The following TNNT2 variants were observed in gnomAD, a reference collection of about 807,000 sequenced individuals.
The protein encoded by TNNT2 is troponin T2, cardiac type, also known as troponin T, cardiac muscle.
In TNNT2, 34 loss-of-function variants were observed where a neutral mutation model predicts 62.4. The observed-to-expected ratio is 0.54, with a 90% CI of 0.41 to 0.72. The LOEUF is 0.72. TNNT2 is among the 30% of genes least tolerant of loss of function. The probability of loss-of-function intolerance (pLI) is 0.00; values close to 1 mark genes in which losing one functional copy is unlikely to be tolerated. For synonymous variants in TNNT2, 123 were observed against 127.2 expected, an observed-to-expected ratio of 0.97 and a Z score of 0.22; for missense variants, 275 against 381.9, an observed-to-expected ratio of 0.72 and a Z score of 2.33.
Position 201,368,193 on chromosome 1 carries a change from T to G in TNNT2, c.132A>C (p.Ala44=), listed in dbSNP as rs1158228294. The change falls in exon 6 of 17, where the codon GCA becomes GCC. Residue 44 remains alanine (A), a synonymous_variant. Coordinates refer to ENST00000656932, the MANE Select transcript of TNNT2 (RefSeq NM_001276345.2). ...QEEAAEEDAE[A]EAETEETRAE... is the part of the protein sequence containing the mutation. Reference sequence around the variant, plus strand: ...CCCTGGTCTCCTCGGTCTCAGCCTCTGCTTCAGCATCCTCTTCCGCTGCCT... The same window carrying G: ...CCCTGGTCTCCTCGGTCTCAGCCTCGGCTTCAGCATCCTCTTCCGCTGCCT... 6.2e-7 allele frequency: 1 copy of G among 1,614,004 alleles called. No homozygotes were observed. Among genetic ancestry groups the G allele is most frequent in the Admixed American group, 1.7e-5 (1 of 60,000 alleles).
At chr1:201,377,168 G>A (rs1375445676) in intron 1 of TNNT2, among the ~76,000 whole-genome samples, 1 of 152,216 alleles carries the variant, frequency 6.6e-6, no homozygotes, top group Non-Finnish European at 1.5e-5. Context: ...TGCTCCCTGG[G>A]ACTCAAGAAG....
chr1:201,374,652 C>T (rs2102325024), intron 1 of TNNT2: 1 of 152,368 alleles, frequency 6.6e-6, no homozygotes, highest in South Asian at 2.1e-4. Context: ...CCCCACATCT[C>T]AGCTCTCTTT....
intron 10 of TNNT2, 94 bp from the exon 11 acceptor site, chr1:201,364,469 G>C: frequency 1.5e-6 from 2 of 1,297,496 alleles, no homozygotes; most frequent in Non-Finnish European, 2.2e-6. Flanking sequence ...GGGAATTCCT[G>C]GGGGAGGGTT....
At chr1:201,365,365 T>C (rs1659469831) in intron 9 of TNNT2, 58 bp from the exon 10 acceptor site, 1 of 1,482,580 alleles carries the variant, frequency 6.7e-7, no homozygotes, top group African/African-American at 1.4e-5. Flanking sequence ...AGAGGAGAGA[T>C]GGGTGGGCTA....
chr1:201,361,258 G>T (rs777121337), intron 15 of TNNT2, 21 bp downstream of exon 15: 1 of 1,610,330 alleles, frequency 6.2e-7, no homozygotes, highest in Non-Finnish European at 8.5e-7. Context: ...GATGCTGGGC[G>T]GGGACAGCAT....
rs3020556 is a variant in TNNT2 at position 201,373,987 on chromosome 1, C to A, written c.-14-719G>T. On this transcript the variant is annotated intron_variant, in intron 1 of 16. Coordinates refer to ENST00000656932, the MANE Select transcript of TNNT2 (RefSeq NM_001276345.2). ...TAAATAAATAAATCAAAGCACACAG[C>A]GGGGATCCTTGTGGTTTGGGATCTT... is the stretch of plus-strand genomic sequence containing the variant. The A allele has an allele frequency of 1.7e-4, 26 of 154,612 alleles. No homozygotes were observed. The South Asian group carries it at 4.3e-3, about 25-fold the overall frequency. The allele number at this position is 154,612 out of a possible 1,614,324, so 9.6% of individuals were successfully genotyped here. A position where few individuals can be genotyped will look rare whatever the true frequency, so the allele number is the denominator to read the frequency against.
At position 201,361,330 on chromosome 1, in the gene TNNT2, C is replaced by A; in HGVS notation, c.759G>T (p.Leu253Phe). Residue 253 changes from leucine to phenylalanine, a missense_variant, in exon 15 of 17, where the codon TTG becomes TTT. Physicochemically the swap from Leu to Phe is conservative, Grantham distance 22. Transcript: ENST00000656932. The stretch of plus-strand genomic sequence containing the variant: ...CCTGCAGGTCGAACTTCTCTGCCTC[C>A]AAGTTATAGATGCTCTGCCACAGCT... ...AKELWQSIYNLEAEKFDLQEK... is the reference protein window; with the variant it reads ...AKELWQSIYNFEAEKFDLQEK... 1 of 1,614,192 alleles carries A rather than the reference C, an allele frequency of 6.2e-7. No individual in the cohort carries two copies.
chr1:201,367,947 C>A, intron 6 of TNNT2, 141 bp from the exon 7 acceptor site: 1 of 1,096,522 alleles, frequency 9.1e-7, no homozygotes, highest in Non-Finnish European at 1.4e-6. Context: ...AGCTGTCTCT[C>A]ACACACACAT....
chr1:201,368,291 G>T, intron 5 of TNNT2, 64 bp from the exon 6 acceptor site: 1 of 1,569,894 alleles, frequency 6.4e-7, no homozygotes, highest in South Asian at 1.1e-5. Context: ...GCAGAACCCA[G>T]AGCAGAGAAT....
In TNNT2 at chr1:201,364,357, G is replaced by T. The variant is rs45525839; in HGVS notation, c.430C>A (p.Arg144=). Residue 144 remains arginine, a synonymous_variant, in exon 11 of 17, where the codon CGG becomes AGG. Coordinates refer to ENST00000656932, the MANE Select transcript of TNNT2 (RefSeq NM_001276345.2). ...TTCCGGATGCGCTGCTGCTCGGCCC[G>T]CTCTGCCCGACGTCTCTCCTAAGGA... The part of the protein sequence containing the change: ...KDRIERRRAE[R]AEQQRIRNER... The T allele has an allele frequency of 4.4e-5, 71 of 1,612,824 alleles. No homozygotes were observed. Among genetic ancestry groups the T allele is most frequent in the Non-Finnish European group, 5.8e-5 (68 of 1,179,978 alleles).
chr1:201,362,536 C>G (rs2365652), intron 12 of TNNT2, 142 bp from the exon 13 acceptor site: 19 of 1,106,880 alleles, frequency 1.7e-5, no homozygotes, highest in Non-Finnish European at 2.4e-5. Flanking sequence ...GCCGGGTTTA[C>G]TAGGACGTGG....
chr1:201,366,617 G>A (rs145622947), intron 8 of TNNT2: 22,880 of 1,446,854 alleles, frequency 0.016, 256 homozygotes, highest in Non-Finnish European at 0.018. Flanking sequence ...CCCTGCTAGG[G>A]TGCACGATTG....
intron 15 of TNNT2, among the ~76,000 whole-genome samples, chr1:201,360,050 C>A (rs970715153): frequency 6.6e-6 from 1 of 152,212 alleles, no homozygotes; most frequent in Non-Finnish European, 1.5e-5. Context: ...ATCCCGGAAG[C>A]TGTGCCCTTT....
chr1:201,375,126 AGGCACTCATCTGTG>A (rs1262422300), intron 1 of TNNT2: 1 of 152,340 alleles, frequency 6.6e-6, no homozygotes, highest in African/African-American at 2.4e-5. Flanking sequence ...GACCAATCCC[AGGCACTCATCTGTG>A]GACATCCAGC....
Position 201,365,656 on chromosome 1 carries a change from T to C in TNNT2, c.248A>G (p.Asn83Ser), listed in dbSNP as rs397516450. The C allele has an allele frequency of 9.9e-6, 16 of 1,613,876 alleles. No homozygotes were observed. The highest frequency in any genetic ancestry group is 2.2e-5 in the East Asian group (1 of 44,890). The change falls in exon 9 of 17, where the codon AAC becomes AGC. Residue 83 changes from asparagine (N) to serine (S), a missense_variant. By Grantham distance (46) the Asn-to-Ser change is conservative. Transcript: ENST00000656932. ...ATCGGGGATCTTGGGAGGCACCAAG[T>C]TGGGCATGAACGACCTGTTGGAGAG... ...SKPKPRSFMP[N>S]LVPPKIPDGE...
chr1:201,362,122 G>T, intron 13 of TNNT2, 100 bp from the exon 14 acceptor site: 1 of 1,360,194 alleles, frequency 7.4e-7, no homozygotes, highest in Non-Finnish European at 1.1e-6. Context: ...CCTGCAGGAG[G>T]GCCAGGTTCT....
At chr1:201,363,528 T>C in intron 11 of TNNT2, 122 bp from the exon 12 acceptor site, 1 of 879,594 alleles carries the variant, frequency 1.1e-6, no homozygotes, top group East Asian at 2.5e-5. Context: ...CAAGGAGCTT[T>C]CTGAGAGGGT....
intron 1 of TNNT2, among the ~76,000 whole-genome samples, chr1:201,377,010 A>T (rs755126828): frequency 2.0e-5 from 3 of 152,204 alleles, no homozygotes; most frequent in Non-Finnish European, 2.9e-5. Flanking sequence ...AGCGGCATCA[A>T]ATGGAATTCC....
rs867081358 is a variant in TNNT2, at chr1:201,359,119, T to A, written c.*91A>T. The A allele has an allele frequency of 3.5e-5, 53 of 1,525,002 alleles. 2 individuals are homozygous for A. In the South Asian group the frequency reaches 5.9e-4, roughly 17 times the overall value. 94.5% of individuals were successfully genotyped at this position (1,525,002 alleles called of 1,614,324 possible). Reference sequence around the variant, plus strand: ...TCCCCATTTCCAAACAGGAGCTGCCTGGGGTGCCCAGGAGGGCCCGGGAAC... The same window carrying A: ...TCCCCATTTCCAAACAGGAGCTGCCAGGGGTGCCCAGGAGGGCCCGGGAAC... On this transcript the variant is annotated 3_prime_UTR_variant, in exon 17 of 17. Coordinates refer to ENST00000656932, the MANE Select transcript of TNNT2 (RefSeq NM_001276345.2).
Sources: gnomAD v4.1 joint callset for allele counts (sites outside exome capture counted in the v4.1 genomes callset) on GRCh38, gnomAD v4.1.1 for gene constraint, MANE v1.5 for transcripts, NCBI Gene and HGNC (gene_info 2026-07-23, HGNC 2026-07-21) for gene names.